Variants in MORC3 observed in about 807,000 individuals in gnomAD.
MORC3 encodes MORC family CW-type zinc finger protein 3.
Under a neutral mutation model 109.1 loss-of-function variants are expected in MORC3, and 31 were observed. The observed-to-expected ratio is 0.28, with a 90% CI of 0.21 to 0.38. The LOEUF is 0.38. MORC3 is among the 10% of genes least tolerant of loss of function. The pLI is 1.00. For synonymous variants in MORC3, 395 were observed against 380.7 expected, an observed-to-expected ratio of 1.04 and a Z score of -0.44; for missense variants, 867 against 1,135.8, an observed-to-expected ratio of 0.76 and a Z score of 3.40.
intron 2 of MORC3, 67 bp downstream of exon 2, chr21:36,333,785 TTTTG>T: frequency 1.5e-6 from 2 of 1,336,854 alleles, no homozygotes; most frequent in Non-Finnish European, 2.1e-6. Flanking sequence ...TTTTGTTTTG[TTTTG>T]TTTTTTTTTT....
In MORC3 at chr21:36,369,004, T is replaced by G. The variant is rs780350030; in HGVS notation, c.1636T>G (p.Ser546Ala). 4 of 1,609,334 alleles carry G rather than the reference T, an allele frequency of 2.5e-6. No homozygotes were observed. In the South Asian group the frequency reaches 4.4e-5, roughly 18 times the overall value. Residue 546 changes from serine to alanine, a missense_variant, in exon 15 of 17, where the codon TCT becomes GCT. This residue lies in a region of MORC3 where 486 missense variants were observed against 502.1 expected (regional missense o/e 0.97). Transcript: ENST00000400485. The stretch of plus-strand genomic sequence containing the variant: ...TTTTTTCAGCTTGAAACGGAGACTT[T>G]CTACTCGTTCCTCAATTTTGAATGC... ...PESNSLKRRLSTRSSILNAKN... is the reference protein window; with the variant it reads ...PESNSLKRRLATRSSILNAKN...
chr21:36,336,415 G>C lies in MORC3; in HGVS notation c.113-459G>C, dbSNP rs377643214. On this transcript the variant is annotated intron_variant, in intron 2 of 16. Transcript: ENST00000400485. ...GTGCCACCATGCCTGGCGGATTTTT[G>C]TATTTTTTAGTAGAGATGGGGTTTC... is the stretch of plus-strand genomic sequence containing the variant. 6.7e-5 allele frequency among the ~76,000 whole-genome samples: 10 copies of C among 148,796 alleles called. No individual in the cohort carries two copies. In the East Asian group the frequency reaches 1.8e-3, roughly 27 times the overall value.
At chr21:36,335,515 CA>C (rs1012777186) in intron 2 of MORC3, among the ~76,000 whole-genome samples, 1 of 152,024 alleles carries the variant, frequency 6.6e-6, no homozygotes, top group African/African-American at 2.4e-5. Context: ...AGGGTTTCAC[CA>C]TATTGGTCAG....
intron 10 of MORC3, among the ~76,000 whole-genome samples, chr21:36,357,960 T>C (rs1194648079): frequency 6.6e-6 from 1 of 151,562 alleles, no homozygotes; most frequent in Non-Finnish European, 1.5e-5. Flanking sequence ...AGGCTGGTCT[T>C]GAACTCCTGA....
chr21:36,329,917 C>G (rs9974982), intron 1 of MORC3, among the ~76,000 whole-genome samples: 71,551 of 151,438 alleles, frequency 0.47, 17,697 homozygotes, highest in East Asian at 0.64. Context: ...GATTGGAGTG[C>G]AATGACCTGA....
At chr21:36,354,811 C>T (rs2146321964) in intron 9 of MORC3, among the ~76,000 whole-genome samples, 1 of 152,338 alleles carries the variant, frequency 6.6e-6, no homozygotes, top group Admixed American at 6.5e-5. Flanking sequence ...CTGTCTAACA[C>T]TGGTTCAGAA....
In MORC3 at chr21:36,344,451, A is replaced by C. The variant is rs1461776016; in HGVS notation, c.757-128A>C. ...CCAAATCAGAATAACATACAGCTTT[A>C]TAGCCTATTTTATTGAAGAGTTAAT... On this transcript the variant is annotated intron_variant, in intron 6 of 16. Transcript: ENST00000400485. The C allele has an allele frequency of 3.6e-6, 4 of 1,101,382 alleles. No individual in the cohort carries two copies. In the Admixed American group the frequency reaches 1.0e-4, roughly 28 times the overall value. 68.2% of individuals were successfully genotyped at this position (1,101,382 alleles called of 1,614,324 possible). A position where few individuals can be genotyped will look rare whatever the true frequency, so the allele number is the denominator to read the frequency against.
rs571916831 is a variant in MORC3 at position 36,365,802 on chromosome 21, G to A, written c.1619+1543G>A. Among the ~76,000 whole-genome samples the A allele has an allele frequency of 1.2e-3, 175 of 152,134 alleles. 1 individual carries two copies. Among genetic ancestry groups the A allele is most frequent in the Middle Eastern group, 6.8e-3 (2 of 294 alleles). ...TCACTGTGTTAGCCAGGATAGTCTC[G>A]AACTCCTGACCTCAGGTGATCCGCC... On this transcript the variant is annotated intron_variant, in intron 14 of 16. Coordinates refer to ENST00000400485, the MANE Select transcript of MORC3 (RefSeq NM_015358.3).
intron 8 of MORC3, 87 bp downstream of exon 8, chr21:36,345,118 A>C (rs781017429): frequency 1.4e-5 from 18 of 1,325,202 alleles, no homozygotes; most frequent in Non-Finnish European, 1.7e-5. Context: ...ATGTTAAATA[A>C]TTTTATTGTA....
At chr21:36,341,584 A>G (rs751407442) in intron 6 of MORC3, 38 bp downstream of exon 6, 3 of 1,612,360 alleles carry the variant, frequency 1.9e-6, no homozygotes, top group South Asian at 2.2e-5. Context: ...TGAGAAAATC[A>G]TTGAATGCTG....
At position 36,360,259 on chromosome 21, in the gene MORC3, G is replaced by A. The variant is rs747699424; in HGVS notation, c.1406+1G>A. On this transcript the variant is annotated splice_donor_variant, in intron 12 of 16. Coordinates refer to ENST00000400485, the MANE Select transcript of MORC3 (RefSeq NM_015358.3). LOFTEE classifies it high-confidence loss of function. Reference sequence around the variant, plus strand: ...CTTATGAAAAAACCTACAAAAAGACGTGAGTGTTGTATTGATGTATAGTGG... The same window carrying A: ...CTTATGAAAAAACCTACAAAAAGACATGAGTGTTGTATTGATGTATAGTGG... The A allele has an allele frequency of 1.9e-6, 3 of 1,611,838 alleles. No homozygotes were observed. Among genetic ancestry groups the A allele is most frequent in the Non-Finnish European group, 2.5e-6 (3 of 1,178,334 alleles).
rs1202729285 is a variant in MORC3 at position 36,353,755 on chromosome 21, A to ATTTTTTTTTTTTTTT, written c.1104-2857_1104-2843dup. Among the ~76,000 whole-genome samples the ATTTTTTTTTTTTTTT allele has an allele frequency of 1.0e-3, 74 of 70,990 alleles. 13 individuals are homozygous for ATTTTTTTTTTTTTTT. Among genetic ancestry groups the ATTTTTTTTTTTTTTT allele is most frequent in the East Asian group, 2.4e-3 (4 of 1,644 alleles). The allele number at this position is 70,990 out of a possible 152,430, so 46.6% of individuals were successfully genotyped here. On this transcript the variant is annotated intron_variant, in intron 9 of 16. Transcript: ENST00000400485. ...GCCACCAAGCCCGGCTAATTTTTGT[A>ATTTTTTTTTTTTTTT]TTTTTTTTTTTTTTTTTTTTTTAGT...
intron 1 of MORC3, among the ~76,000 whole-genome samples, chr21:36,327,023 C>G (rs2085254916): frequency 6.6e-6 from 1 of 151,906 alleles, no homozygotes; most frequent in Non-Finnish European, 1.5e-5. Flanking sequence ...CCATGTTGCC[C>G]AGGCTGGTCT....
At chr21:36,370,240 C>CT (rs2085840062) in intron 15 of MORC3, among the ~76,000 whole-genome samples, 1 of 152,110 alleles carries the variant, frequency 6.6e-6, no homozygotes, top group South Asian at 2.1e-4. Flanking sequence ...GATTGGAATG[C>CT]TTTCACTTAA....
At chr21:36,332,472 G>A (rs1394542763) in intron 1 of MORC3, among the ~76,000 whole-genome samples, 3 of 152,086 alleles carry the variant, frequency 2.0e-5, no homozygotes, top group East Asian at 1.9e-4. Context: ...ACCGGAACAG[G>A]TTCTAAGCAC....
At chr21:36,320,344 G>A (rs951421927) in intron 1 of MORC3, 41 bp downstream of exon 1, 8 of 1,395,086 alleles carry the variant, frequency 5.7e-6, no homozygotes, top group South Asian at 4.6e-5. Context: ...TGTCCCAGGA[G>A]GGCGGGCGGG....
intron 12 of MORC3, among the ~76,000 whole-genome samples, chr21:36,361,119 G>T (rs933383634): frequency 1.3e-5 from 2 of 151,848 alleles, no homozygotes; most frequent in African/African-American, 4.8e-5. Flanking sequence ...GCTGAATAAG[G>T]ATAGTCAGCC....
chr21:36,320,395 G>T, intron 1 of MORC3, 92 bp downstream of exon 1: 1 of 1,194,516 alleles, frequency 8.4e-7, no homozygotes, highest in Non-Finnish European at 1.1e-6. Context: ...GCGGCTTGTG[G>T]GGCCGACGCG....
intron 1 of MORC3, among the ~76,000 whole-genome samples, chr21:36,321,909 C>T (rs765738863): frequency 1.3e-5 from 2 of 152,144 alleles, no homozygotes; most frequent in African/African-American, 2.4e-5. Flanking sequence ...AGATAATGGT[C>T]AGTGTTTAGA....
Sources: gnomAD v4.1 joint callset for allele counts (sites outside exome capture counted in the v4.1 genomes callset) on GRCh38, gnomAD v4.1.1 for gene constraint, gnomAD v4.1.1 regional missense constraint, MANE v1.5 for transcripts, NCBI Gene and HGNC (gene_info 2026-07-23, HGNC 2026-07-21) for gene names.